The following ZBTB43 variants were observed in gnomAD, a reference collection of about 807,000 sequenced individuals.
The protein encoded by ZBTB43 is zinc finger and BTB domain containing 43, also known as zinc finger and BTB domain-containing protein 43.
A neutral mutation model predicts 31.1 loss-of-function variants in ZBTB43; 6 were observed. The observed-to-expected ratio is 0.19, with a 90% confidence interval of 0.11 to 0.38. ZBTB43 has a LOEUF of 0.38. ZBTB43 is among the 10% of genes least tolerant of loss of function. ZBTB43 has a pLI of 1.00. For missense variants in ZBTB43, 379 were observed against 602.1 expected (o/e 0.63, Z 3.88); for synonymous variants, 212 against 221.7 (o/e 0.96, Z 0.39).
chr9:126,815,007 C>T (rs1249434672), intron 2 of ZBTB43, among the ~76,000 whole-genome samples: 1 of 149,376 alleles, frequency 6.7e-6, no homozygotes, highest in Admixed American at 6.8e-5. Flanking sequence ...AAGATTTTCT[C>T]CACTGATTTT....
chr9:126,808,502 A>G (rs1361031432), intron 1 of ZBTB43, among the ~76,000 whole-genome samples: 1 of 152,218 alleles, frequency 6.6e-6, no homozygotes, highest in Non-Finnish European at 1.5e-5. Flanking sequence ...GTCATTGACC[A>G]TGTTTTCTAG....
rs1236066085 is a variant in ZBTB43, at chr9:126,808,873, A to G, written c.-66A>G. On this transcript the variant is annotated 5_prime_UTR_variant, in exon 2 of 3. The change abolishes an upstream ATG in the 5' untranslated region. Transcript: ENST00000373464. ...CTATTCATGTTGCTTTTTGATGGCC[A>G]TGGCATAAGGAACTCTATCCCAGGA... is the stretch of plus-strand genomic sequence containing the variant. The G allele has an allele frequency of 1.3e-5, 2 of 152,204 alleles. No homozygotes were observed. Among genetic ancestry groups the G allele is most frequent in the Non-Finnish European group, 1.5e-5 (1 of 68,026 alleles). The allele number at this position is 152,204 out of a possible 1,614,324, so 9.4% of individuals were successfully genotyped here.
rs2032885443 is a variant in ZBTB43 at position 126,836,646 on chromosome 9, C to T, written c.*2733C>T. 1 of 166,956 alleles carries T rather than the reference C, an allele frequency of 6.0e-6. No individual in the cohort carries two copies. Among genetic ancestry groups the T allele is most frequent in the East Asian group, 1.9e-4 (1 of 5,200 alleles). The allele number at this position is 166,956 out of a possible 1,614,324, so 10.3% of individuals were successfully genotyped here. The stretch of plus-strand genomic sequence containing the variant: ...TAGCTTTAGAAAATCTTTATCCTTC[C>T]TAATAAGTTTGGATGGTTGTGGGTA... On this transcript the variant is annotated 3_prime_UTR_variant, in exon 3 of 3. Coordinates refer to ENST00000373464, the MANE Select transcript of ZBTB43 (RefSeq NM_014007.4).
At position 126,818,952 on chromosome 9, in the gene ZBTB43, A is replaced by G. The variant is rs548961206; in HGVS notation, c.-24+10037A>G. Among the ~76,000 whole-genome samples the G allele has an allele frequency of 1.0e-3, 154 of 152,282 alleles. 1 individual carries two copies. The highest frequency in any genetic ancestry group is 3.6e-3 in the African/African-American group (151 of 41,556). On this transcript the variant is annotated intron_variant, in intron 2 of 2. Coordinates refer to ENST00000373464, the MANE Select transcript of ZBTB43 (RefSeq NM_014007.4). ...AGGATTGGTGTCAGTTCTTCTTTAA[A>G]TGTTTGTTAGAATTTACCAGTGAAG...
At position 126,834,036 on chromosome 9, in the gene ZBTB43, T is replaced by C; in HGVS notation, c.*123T>C. The stretch of plus-strand genomic sequence containing the variant: ...AGAAGCTTAAAAAAAAAAAGGAAGA[T>C]ATTTCTGAAAGACCAGCTCTAAGTA... On this transcript the variant is annotated 3_prime_UTR_variant, in exon 3 of 3. Transcript: ENST00000373464. 8.8e-7 allele frequency: 1 copy of C among 1,130,462 alleles called. No individual in the cohort carries two copies. Among genetic ancestry groups the C allele is most frequent in the South Asian group, 2.1e-5 (1 of 47,536 alleles). The allele number at this position is 1,130,462 out of a possible 1,614,324, so 70.0% of individuals were successfully genotyped here.
chr9:126,813,377 A>C (rs943151482), intron 2 of ZBTB43, among the ~76,000 whole-genome samples: 5 of 152,190 alleles, frequency 3.3e-5, no homozygotes, highest in Admixed American at 3.3e-4. Flanking sequence ...TCAGCAGATC[A>C]ACCTTCCTTA....
At chr9:126,814,745 A>T (rs570248347) in intron 2 of ZBTB43, among the ~76,000 whole-genome samples, 1 of 152,214 alleles carries the variant, frequency 6.6e-6, no homozygotes, top group African/African-American at 2.4e-5. Context: ...GTGAGCTGAG[A>T]TTGCACCACT....
intron 2 of ZBTB43, chr9:126,831,540 C>G (rs1282420139): frequency 6.6e-6 from 1 of 151,854 alleles, no homozygotes; most frequent in African/African-American, 2.4e-5. Flanking sequence ...TGGTTCATGC[C>G]TATAATCCCA....
intron 2 of ZBTB43, among the ~76,000 whole-genome samples, chr9:126,827,228 C>T (rs914613887): frequency 6.6e-6 from 1 of 152,110 alleles, no homozygotes. Context: ...TGTGTGTGTG[C>T]GTGTACAGAT....
intron 2 of ZBTB43, among the ~76,000 whole-genome samples, chr9:126,809,424 A>G (rs895489033): frequency 2.0e-5 from 3 of 152,196 alleles, no homozygotes; most frequent in African/African-American, 7.2e-5. Flanking sequence ...AACATTTACT[A>G]TGTTTAAATA....
chr9:126,836,990 G>A lies in ZBTB43; in HGVS notation c.*3077G>A, dbSNP rs1224206510. ...GTGGTGGCGCACACCTGTAATCCCA[G>A]CTACTCGGGAGGCGGAGGCAGGAGA... On this transcript the variant is annotated 3_prime_UTR_variant, in exon 3 of 3. Coordinates refer to ENST00000373464, the MANE Select transcript of ZBTB43 (RefSeq NM_014007.4). The A allele has an allele frequency of 6.5e-6, 1 of 153,208 alleles. No individual in the cohort carries two copies. Among genetic ancestry groups the A allele is most frequent in the Non-Finnish European group, 1.5e-5 (1 of 68,142 alleles). 9.5% of individuals were successfully genotyped at this position (153,208 alleles called of 1,614,324 possible).
At chr9:126,815,800 T>A (rs138940104) in intron 2 of ZBTB43, among the ~76,000 whole-genome samples, 19 of 152,194 alleles carry the variant, frequency 1.2e-4, no homozygotes, top group African/African-American at 4.3e-4. Context: ...GTTGATTGAT[T>A]CCCACCCCCA....
intron 2 of ZBTB43, among the ~76,000 whole-genome samples, chr9:126,815,382 T>G (rs1025121544): frequency 3.4e-5 from 5 of 148,090 alleles, no homozygotes; most frequent in Admixed American, 2.7e-4. Context: ...ATAGTTTTCA[T>G]GTGTCTGATA....
intron 2 of ZBTB43, among the ~76,000 whole-genome samples, chr9:126,825,842 A>ATTTTTTTTTTTTTT (rs72512629): frequency 1.1e-5 from 1 of 91,200 alleles, no homozygotes; most frequent in Non-Finnish European, 2.3e-5. Context: ...TCCTTTTTAT[A>ATTTTTTTTTTTTTT]TTTTTTTTTT....
At chr9:126,814,716 C>T (rs933555009) in intron 2 of ZBTB43, among the ~76,000 whole-genome samples, 1 of 151,918 alleles carries the variant, frequency 6.6e-6, no homozygotes, top group Non-Finnish European at 1.5e-5. Context: ...TGGTGTGAAC[C>T]CAGGAGGCGG....
chr9:126,809,201 T>C (rs1278408557), intron 2 of ZBTB43, among the ~76,000 whole-genome samples: 1 of 152,240 alleles, frequency 6.6e-6, no homozygotes. Context: ...AATGCTGACA[T>C]GCCATTTCTG....
chr9:126,812,543 A>G (rs1280780345), intron 2 of ZBTB43, among the ~76,000 whole-genome samples: 1 of 152,118 alleles, frequency 6.6e-6, no homozygotes, highest in Non-Finnish European at 1.5e-5. Context: ...CAATGTATGG[A>G]GGTTATAATA....
chr9:126,811,991 G>A (rs1014780440), intron 2 of ZBTB43, among the ~76,000 whole-genome samples: 8 of 151,088 alleles, frequency 5.3e-5, no homozygotes, highest in African/African-American at 1.9e-4. Flanking sequence ...TTTTTTTTTG[G>A]TATATTCACA....
chr9:126,824,308 AG>A (rs2032582822), intron 2 of ZBTB43, among the ~76,000 whole-genome samples: 1 of 152,266 alleles, frequency 6.6e-6, no homozygotes, highest in African/African-American at 2.4e-5. Context: ...TATAGGCATG[AG>A]CCACTGAGCC....
Sources: allele counts gnomAD v4.1 joint callset (sites outside exome capture counted in the v4.1 genomes callset), GRCh38; gene constraint gnomAD v4.1.1; transcripts MANE v1.5; gene names NCBI Gene and HGNC (gene_info 2026-07-23, HGNC 2026-07-21).